The following ABHD12B variants were observed in gnomAD, a reference collection of about 807,000 sequenced individuals.
ABHD12B encodes abhydrolase domain containing 12B, also known as protein ABHD12B.
A neutral mutation model predicts 50.4 loss-of-function variants in ABHD12B; 42 were observed. The ratio of observed to expected loss-of-function variants is 0.83; its 90% confidence interval spans 0.65 to 1.08. ABHD12B has a LOEUF of 1.08. Among genes scored for constraint, ABHD12B ranks in the 50% least tolerant of loss-of-function variants. The pLI is 0.00. For synonymous variants in ABHD12B, 167 were observed against 160.3 expected, an observed-to-expected ratio of 1.04 and a Z score of -0.32; for missense variants, 479 against 447.7, an observed-to-expected ratio of 1.07 and a Z score of -0.63.
chr14:50,885,316 A>T (rs2050020857), intron 5 of ABHD12B, among the ~76,000 whole-genome samples: 1 of 152,218 alleles, frequency 6.6e-6, no homozygotes, highest in African/African-American at 2.4e-5. Context: ...TGACAGTGCA[A>T]CAAACTTTCT....
At chr14:50,894,009 G>A (rs1223749908) in intron 9 of ABHD12B, among the ~76,000 whole-genome samples, 16 of 152,242 alleles carry the variant, frequency 1.1e-4, no homozygotes, top group African/African-American at 2.9e-4. Flanking sequence ...ATTCACTCAC[G>A]TTTCAAGGGT....
In ABHD12B at chr14:50,904,066, G is replaced by A. The variant is rs4901064; in HGVS notation, c.943-8G>A. On this transcript the variant is annotated splice_region_variant and splice_polypyrimidine_tract_variant and intron_variant, in intron 11 of 12. Coordinates refer to ENST00000337334, the MANE Select transcript of ABHD12B (RefSeq NM_001206673.2). ...GCCATCCTTTGAGTCTCTTTCTGTC[G>A]CTTGCAGCTCTATGAAATTGCACGC... 55 of 1,606,752 alleles carry A rather than the reference G, an allele frequency of 3.4e-5. No individual in the cohort carries two copies. The highest frequency in any genetic ancestry group is 1.7e-4 in the African/African-American group (13 of 74,622).
chr14:50,885,693 A>C, intron 6 of ABHD12B, 34 bp downstream of exon 6: 1 of 1,614,206 alleles, frequency 6.2e-7, no homozygotes, highest in Non-Finnish European at 8.5e-7. Context: ...AAGATGTTTC[A>C]GTAACCAGGG....
intron 1 of ABHD12B, among the ~76,000 whole-genome samples, chr14:50,873,206 T>C (rs575551801): frequency 1.1e-3 from 167 of 151,344 alleles, no homozygotes; most frequent in African/African-American, 2.9e-3. Context: ...CGGGGATCTT[T>C]TCTCTCTCTC....
chr14:50,881,767 A>C, intron 5 of ABHD12B, 141 bp downstream of exon 5: 3 of 930,868 alleles, frequency 3.2e-6, no homozygotes, highest in East Asian at 2.4e-5. Context: ...TCTGGGGCTC[A>C]AAGTCCCACC....
At chr14:50,889,557 G>A (rs1024417421) in intron 9 of ABHD12B, among the ~76,000 whole-genome samples, 1 of 152,196 alleles carries the variant, frequency 6.6e-6, no homozygotes, top group African/African-American at 2.4e-5. Context: ...AGAGTCGCTT[G>A]AACCCGGGAG....
intron 9 of ABHD12B, among the ~76,000 whole-genome samples, chr14:50,899,792 C>G (rs1277996677): frequency 6.6e-6 from 1 of 151,998 alleles, no homozygotes; most frequent in Non-Finnish European, 1.5e-5. Context: ...CGTGGTGATG[C>G]ATGCCTGTAG....
At chr14:50,891,934 T>C (rs1340375254) in intron 9 of ABHD12B, 1 of 152,256 alleles carries the variant, frequency 6.6e-6, no homozygotes, top group Non-Finnish European at 1.5e-5. Context: ...TATAGCTTTA[T>C]AATATGTCTT....
chr14:50,880,325 C>A, intron 3 of ABHD12B, 127 bp from the exon 4 acceptor site: 1 of 1,007,332 alleles, frequency 9.9e-7, no homozygotes, highest in Non-Finnish European at 1.3e-6. Flanking sequence ...TTATTTTTGC[C>A]ATGTGCATAT....
chr14:50,892,639 T>A, intron 9 of ABHD12B: 1 of 964,392 alleles, frequency 1.0e-6, no homozygotes, highest in Non-Finnish European at 1.2e-6. Context: ...GTTTCTATAT[T>A]TTTAATTTCT....
intron 3 of ABHD12B, among the ~76,000 whole-genome samples, chr14:50,879,203 G>C (rs1053329744): frequency 1.3e-5 from 2 of 152,056 alleles, no homozygotes; most frequent in African/African-American, 4.8e-5. Context: ...CTCTTGCCTT[G>C]CTAACTGTCT....
chr14:50,876,776 G>A (rs904976529), intron 1 of ABHD12B, among the ~76,000 whole-genome samples: 5 of 152,160 alleles, frequency 3.3e-5, no homozygotes, highest in African/African-American at 9.7e-5. Context: ...AATGCCTCTG[G>A]TCTAGCATAG....
chr14:50,872,402 C>G (rs904593392), intron 1 of ABHD12B, 124 bp downstream of exon 1: 3 of 656,368 alleles, frequency 4.6e-6, no homozygotes, highest in Non-Finnish European at 6.4e-6. Flanking sequence ...CAAGGCCCAG[C>G]ATTGTGGCTT....
chr14:50,887,679 G>A (rs187064346), intron 8 of ABHD12B, among the ~76,000 whole-genome samples: 130 of 152,278 alleles, frequency 8.5e-4, no homozygotes, highest in Non-Finnish European at 8.7e-4. Flanking sequence ...CTCTTCTCCT[G>A]AAAGGCAGTT....
At chr14:50,894,402 A>G (rs112441859) in intron 9 of ABHD12B, among the ~76,000 whole-genome samples, 6 of 134,756 alleles carry the variant, frequency 4.5e-5, no homozygotes, top group South Asian at 2.3e-4. Context: ...CCCCTTCTCC[A>G]TGTCTCTACT....
At chr14:50,872,323 G>T (rs1244213404) in intron 1 of ABHD12B, 45 bp downstream of exon 1, 5 of 1,227,700 alleles carry the variant, frequency 4.1e-6, no homozygotes, top group Non-Finnish European at 1.0e-6. Context: ...CGACGGCTCA[G>T]GCTGCGCGGG....
chr14:50,897,402 G>A (rs1261721643), intron 9 of ABHD12B, among the ~76,000 whole-genome samples: 1 of 152,028 alleles, frequency 6.6e-6, no homozygotes, highest in Non-Finnish European at 1.5e-5. Context: ...TCTTCCAGGT[G>A]GATTTATCAT....
At chr14:50,887,881 C>A (rs2050063894) in intron 8 of ABHD12B, among the ~76,000 whole-genome samples, 1 of 152,184 alleles carries the variant, frequency 6.6e-6, no homozygotes, top group African/African-American at 2.4e-5. Flanking sequence ...TAATTTCTGT[C>A]ATTTGGATTA....
At chr14:50,902,428 C>G (rs571480912) in intron 10 of ABHD12B, among the ~76,000 whole-genome samples, 3 of 152,134 alleles carry the variant, frequency 2.0e-5, no homozygotes, top group Non-Finnish European at 4.4e-5. Context: ...AGGTTGCAGT[C>G]AACTGTGATT....
Sources: allele counts gnomAD v4.1 joint callset (sites outside exome capture counted in the v4.1 genomes callset), GRCh38; gene constraint gnomAD v4.1.1; transcripts MANE v1.5; gene names NCBI Gene and HGNC (gene_info 2026-07-23, HGNC 2026-07-21).